The following CDKAL1 variants were observed in gnomAD, a reference collection of about 807,000 sequenced individuals.
CDKAL1 encodes the protein threonylcarbamoyladenosine tRNA methylthiotransferase.
In CDKAL1, 32 loss-of-function variants were observed where a neutral mutation model predicts 68.2. The ratio of observed to expected loss-of-function variants is 0.47; its 90% CI spans 0.35 to 0.63. The LOEUF is 0.63. Ranked by LOEUF, CDKAL1 falls within the 30% of genes least tolerant of loss-of-function variation. The pLI is 0.00. For synonymous variants in CDKAL1, 234 were observed against 244.3 expected (o/e 0.96, Z 0.39); for missense variants, 606 against 696.7 (o/e 0.87, Z 1.47).
chr6:20,667,133 A>AT (rs1197269533), intron 5 of CDKAL1, among the ~76,000 whole-genome samples: 1 of 152,194 alleles, frequency 6.6e-6, no homozygotes, highest in Admixed American at 6.5e-5. Flanking sequence ...GGCAGGCTTA[A>AT]GGATTTTCCA....
chr6:21,152,308 A>G (rs745415625), intron 13 of CDKAL1, among the ~76,000 whole-genome samples: 6 of 152,140 alleles, frequency 3.9e-5, no homozygotes, highest in Non-Finnish European at 7.3e-5. Context: ...TCACTTTCAC[A>G]TGGGCATAGC....
intron 9 of CDKAL1, among the ~76,000 whole-genome samples, chr6:20,855,060 G>A (rs561896386): frequency 1.3e-5 from 2 of 152,288 alleles, no homozygotes; most frequent in African/African-American, 4.8e-5. Context: ...GGAGTGGTGA[G>A]GGATAGAGTA....
intron 5 of CDKAL1, among the ~76,000 whole-genome samples, chr6:20,663,293 G>T (rs1379418365): frequency 3.3e-5 from 5 of 151,788 alleles, no homozygotes; most frequent in African/African-American, 1.2e-4. Flanking sequence ...TTGGGATTCT[G>T]TTAGTAAGGG....
At chr6:21,185,656 T>C (rs915714213) in intron 13 of CDKAL1, among the ~76,000 whole-genome samples, 2 of 152,180 alleles carry the variant, frequency 1.3e-5, no homozygotes, top group Non-Finnish European at 1.5e-5. Flanking sequence ...TGCGTGCCTG[T>C]GTGTGCACAT....
chr6:21,012,108 G>C (rs532816116), intron 11 of CDKAL1, among the ~76,000 whole-genome samples: 2 of 152,292 alleles, frequency 1.3e-5, no homozygotes, highest in African/African-American at 4.8e-5. Context: ...ACAGTAGGAA[G>C]GCAAGGGGCA....
intron 8 of CDKAL1, among the ~76,000 whole-genome samples, chr6:20,845,250 T>C (rs1422219351): frequency 6.6e-6 from 1 of 152,202 alleles, no homozygotes; most frequent in Non-Finnish European, 1.5e-5. Context: ...GAAATGTTCC[T>C]TTTTGTTTGG....
chr6:20,941,397 T>A (rs1415955850), intron 9 of CDKAL1, among the ~76,000 whole-genome samples: 1 of 152,194 alleles, frequency 6.6e-6, no homozygotes, highest in African/African-American at 2.4e-5. Context: ...TTCTTGGAAA[T>A]TAAGAGATTA....
At chr6:21,147,799 TGA>T (rs1473805770) in intron 13 of CDKAL1, among the ~76,000 whole-genome samples, 6 of 139,214 alleles carry the variant, frequency 4.3e-5, no homozygotes, top group African/African-American at 1.6e-4. Context: ...AGCTATAAAA[TGA>T]TTTTTTTTTG....
chr6:20,592,068 C>T (rs1765614468), intron 4 of CDKAL1, among the ~76,000 whole-genome samples: 1 of 152,130 alleles, frequency 6.6e-6, no homozygotes, highest in Non-Finnish European at 1.5e-5. Flanking sequence ...TTGTAGTTCT[C>T]CTTGAAGAGG....
chr6:20,677,707 T>C (rs372911297), intron 5 of CDKAL1, among the ~76,000 whole-genome samples: 149 of 152,310 alleles, frequency 9.8e-4, no homozygotes, highest in African/African-American at 3.1e-3. Flanking sequence ...TGAGCCCCCA[T>C]GCATGGCGAG....
At chr6:20,740,051 T>C (rs1233630985) in intron 6 of CDKAL1, among the ~76,000 whole-genome samples, 1 of 152,228 alleles carries the variant, frequency 6.6e-6, no homozygotes, top group East Asian at 1.9e-4. Flanking sequence ...CTGTGAAGCC[T>C]TCTCTGCCTA....
chr6:20,736,103 GAC>G (rs1293540924), intron 5 of CDKAL1, among the ~76,000 whole-genome samples: 1 of 151,382 alleles, frequency 6.6e-6, no homozygotes, highest in African/African-American at 2.4e-5. Context: ...GCTCAGCTCT[GAC>G]AACCAGTGGA....
intron 4 of CDKAL1, among the ~76,000 whole-genome samples, chr6:20,603,171 G>C (rs1397175736): frequency 6.6e-6 from 1 of 152,122 alleles, no homozygotes; most frequent in Non-Finnish European, 1.5e-5. Context: ...TAGGATTTTA[G>C]AGCAAATTTG....
At chr6:20,687,276 C>T (rs1770670273) in intron 5 of CDKAL1, among the ~76,000 whole-genome samples, 1 of 152,070 alleles carries the variant, frequency 6.6e-6, no homozygotes. Flanking sequence ...AATATGGTAA[C>T]ATTCACCAGT....
At chr6:20,867,558 A>G (rs763610277) in intron 9 of CDKAL1, among the ~76,000 whole-genome samples, 4 of 150,790 alleles carry the variant, frequency 2.7e-5, no homozygotes, top group Non-Finnish European at 4.4e-5. Context: ...GACGACTGTC[A>G]GATTAGGTGT....
At position 20,577,902 on chromosome 6, in the gene CDKAL1, G is replaced by A. The variant is rs74447540; in HGVS notation, c.286+29197G>A. 4.1e-3 allele frequency among the ~76,000 whole-genome samples: 622 copies of A among 152,240 alleles called. 3 individuals are homozygous for A. Among genetic ancestry groups the A allele is most frequent in the African/African-American group, 0.014 (567 of 41,562 alleles). ...AGACTACAGTCTAGGGAAGATGAGTGGAAGAATGAGCCAGTGATCAGAACT... is the reference window on the plus strand; with the variant it reads ...AGACTACAGTCTAGGGAAGATGAGTAGAAGAATGAGCCAGTGATCAGAACT... On this transcript the variant is annotated intron_variant, in intron 4 of 15. Transcript: ENST00000274695.
At chr6:21,184,823 A>ATT (rs34599800) in intron 13 of CDKAL1, among the ~76,000 whole-genome samples, 13,866 of 101,540 alleles carry the variant, frequency 0.14, 1,271 homozygotes, top group Non-Finnish European at 0.16. Flanking sequence ...CGTGCAGCTA[A>ATT]TTTTTTTTTT....
intron 4 of CDKAL1, among the ~76,000 whole-genome samples, chr6:20,577,963 G>C (rs1023973862): frequency 6.6e-6 from 1 of 152,104 alleles, no homozygotes; most frequent in African/African-American, 2.4e-5. Flanking sequence ...CAAGAAGATG[G>C]ATGGGGAAAA....
At chr6:20,642,477 G>GA (rs70990055) in intron 4 of CDKAL1, among the ~76,000 whole-genome samples, 35,727 of 117,722 alleles carry the variant, frequency 0.3, 6,641 homozygotes, top group African/African-American at 0.53. Flanking sequence ...ATGAAAAACA[G>GA]AAAAAAAAAA....
Sources: allele counts gnomAD v4.1 joint callset (sites outside exome capture counted in the v4.1 genomes callset), GRCh38; gene constraint gnomAD v4.1.1; transcripts MANE v1.5; gene names NCBI Gene and HGNC (gene_info 2026-07-23, HGNC 2026-07-21).